PTPRD: variants seen among roughly 807,000 people sequenced by gnomAD.
PTPRD encodes the protein receptor-type tyrosine-protein phosphatase delta.
PTPRD carries 34 observed loss-of-function variants against 214.5 expected under a neutral mutation model. The ratio of observed to expected loss-of-function variants is 0.16; its 90% CI spans 0.12 to 0.21. The LOEUF is 0.21. PTPRD is among the 10% of genes least tolerant of loss of function. The probability of loss-of-function intolerance (pLI) is 1.00; values close to 1 mark genes in which losing one functional copy is unlikely to be tolerated. For synonymous variants in PTPRD, 1,128 were observed against 845.7 expected (o/e 1.33, Z -5.79); for missense variants, 2,545 against 2,398.7 (o/e 1.06, Z -1.27).
chr9:8,723,370 C>T (rs146402226), intron 12 of PTPRD, among the ~76,000 whole-genome samples: 3 of 152,282 alleles, frequency 2.0e-5, no homozygotes, highest in African/African-American at 7.2e-5. Flanking sequence ...TCCTCTCTTA[C>T]TCTCATATTA....
intron 9 of PTPRD, among the ~76,000 whole-genome samples, chr9:9,336,581 T>A (rs990544599): frequency 1.3e-5 from 2 of 152,140 alleles, no homozygotes; most frequent in African/African-American, 2.4e-5. Context: ...ATTCTCTATA[T>A]GGGTTGGCAG....
intron 7 of PTPRD, among the ~76,000 whole-genome samples, chr9:9,645,475 A>T (rs1035241180): frequency 3.9e-4 from 57 of 146,702 alleles, no homozygotes; most frequent in African/African-American, 1.4e-3. Flanking sequence ...ATATATATAT[A>T]TATATTTTCT....
chr9:10,233,786 G>C (rs1262830672), intron 3 of PTPRD, among the ~76,000 whole-genome samples: 1 of 151,680 alleles, frequency 6.6e-6, no homozygotes, highest in Non-Finnish European at 1.5e-5. Flanking sequence ...CATAACGCCT[G>C]GACTATTTTT....
intron 9 of PTPRD, among the ~76,000 whole-genome samples, chr9:9,339,992 T>A (rs2046147582): frequency 6.6e-6 from 1 of 152,170 alleles, no homozygotes; most frequent in Non-Finnish European, 1.5e-5. Flanking sequence ...TTGGGTAGGC[T>A]GTATGTAAAT....
chr9:9,174,706 A>T (rs1209525488), intron 10 of PTPRD, among the ~76,000 whole-genome samples: 25 of 152,216 alleles, frequency 1.6e-4, no homozygotes, highest in Admixed American at 1.6e-3. Context: ...TATTTCAAAA[A>T]GTGATTGAAA....
chr9:8,517,511 C>A (rs769315944), intron 21 of PTPRD, among the ~76,000 whole-genome samples: 5 of 152,116 alleles, frequency 3.3e-5, no homozygotes, highest in Non-Finnish European at 7.4e-5. Flanking sequence ...CTTTTGAGAC[C>A]ACTCTACCAT....
At chr9:10,193,177 T>C (rs2099380238) in intron 3 of PTPRD, among the ~76,000 whole-genome samples, 1 of 152,144 alleles carries the variant, frequency 6.6e-6, no homozygotes. Flanking sequence ...GACTCTATTA[T>C]TGTCATTTTA....
chr9:8,365,395 T>C (rs1456096408), intron 39 of PTPRD, among the ~76,000 whole-genome samples: 1 of 152,196 alleles, frequency 6.6e-6, no homozygotes, highest in East Asian at 1.9e-4. Flanking sequence ...AGTAATCAGG[T>C]AGCAGTTATG....
chr9:10,193,518 G>A (rs758182669), intron 3 of PTPRD, among the ~76,000 whole-genome samples: 2 of 152,136 alleles, frequency 1.3e-5, no homozygotes, highest in African/African-American at 2.4e-5. Flanking sequence ...GCGGGGGTGG[G>A]AGGGAACCAA....
chr9:8,483,642 C>T (rs1160982405), intron 30 of PTPRD, among the ~76,000 whole-genome samples: 2 of 152,114 alleles, frequency 1.3e-5, no homozygotes, highest in African/African-American at 4.8e-5. Context: ...ATCCCAGCTA[C>T]TCAGGAGGCT....
intron 5 of PTPRD, among the ~76,000 whole-genome samples, chr9:9,822,028 T>C (rs1478148509): frequency 6.6e-6 from 1 of 151,576 alleles, no homozygotes; most frequent in Non-Finnish European, 1.5e-5. Context: ...AATATCACCT[T>C]ATCTGTACAT....
intron 11 of PTPRD, among the ~76,000 whole-genome samples, chr9:8,766,168 A>G (rs1195577043): frequency 6.8e-6 from 1 of 147,016 alleles, no homozygotes; most frequent in Admixed American, 6.9e-5. Context: ...GTTCAACCCC[A>G]TTTCGTTTTA....
intron 9 of PTPRD, among the ~76,000 whole-genome samples, chr9:9,272,898 G>T (rs191271051): frequency 1.3e-5 from 2 of 151,354 alleles, no homozygotes; most frequent in Admixed American, 1.3e-4. Context: ...AGGGGAAACA[G>T]CAACACTGCA....
intron 10 of PTPRD, among the ~76,000 whole-genome samples, chr9:9,065,691 G>A (rs537287673): frequency 2.0e-5 from 3 of 152,214 alleles, no homozygotes; most frequent in East Asian, 1.9e-4. Flanking sequence ...AGATGATGAT[G>A]GCTTAGATCA....
intron 43 of PTPRD, among the ~76,000 whole-genome samples, chr9:8,336,879 A>C (rs7028304): frequency 0.62 from 94,379 of 151,426 alleles, 30,753 homozygotes; most frequent in Non-Finnish European, 0.74. Flanking sequence ...AGAGAAATGC[A>C]AATCAAAACC....
At chr9:9,830,611 A>C (rs1303385675) in intron 5 of PTPRD, among the ~76,000 whole-genome samples, 1 of 151,942 alleles carries the variant, frequency 6.6e-6, no homozygotes, top group Non-Finnish European at 1.5e-5. Context: ...TCCTCTTCTC[A>C]TGTACTGCAG....
Position 8,726,038 on chromosome 9 carries a change from C to T in PTPRD, c.64+7742G>A, listed in dbSNP as rs551642303. 2.4e-3 allele frequency among the ~76,000 whole-genome samples: 353 copies of T among 147,640 alleles called. 1 individual carries two copies. The highest frequency in any genetic ancestry group is 8.6e-3 in the African/African-American group (337 of 38,984). ...AGACAGACAGACAGACACACACACACACACACACACACACACACACACACA... is the reference window on the plus strand; with the variant it reads ...AGACAGACAGACAGACACACACACATACACACACACACACACACACACACA... On this transcript the variant is annotated intron_variant, in intron 12 of 45. Transcript: ENST00000381196.
intron 44 of PTPRD, among the ~76,000 whole-genome samples, chr9:8,327,111 T>C (rs558087752): frequency 1.3e-5 from 2 of 150,588 alleles, no homozygotes; most frequent in African/African-American, 4.8e-5. Flanking sequence ...TCTAGTTCAA[T>C]TGTGATGTTA....
chr9:9,652,716 G>C (rs1467434285), intron 7 of PTPRD, among the ~76,000 whole-genome samples: 1 of 151,352 alleles, frequency 6.6e-6, no homozygotes, highest in African/African-American at 2.4e-5. Flanking sequence ...CCAGGTTCAA[G>C]CAATTCTCCT....
Sources: gnomAD v4.1 joint callset for allele counts (sites outside exome capture counted in the v4.1 genomes callset) on GRCh38, gnomAD v4.1.1 for gene constraint, MANE v1.5 for transcripts, NCBI Gene and HGNC (gene_info 2026-07-23, HGNC 2026-07-21) for gene names.